Variants in MPP4 observed in about 807,000 individuals in gnomAD.
The protein encoded by MPP4 is MAGUK p55 subfamily member 4.
A neutral mutation model predicts 98.3 loss-of-function variants in MPP4; 91 were observed. That is an observed-to-expected ratio of 0.93 (90% CI 0.78 to 1.10). The LOEUF is 1.10. Among genes scored for constraint, MPP4 ranks in the 50% least tolerant of loss-of-function variants. The pLI is 0.00. For missense variants in MPP4, 744 were observed against 792.9 expected (o/e 0.94, Z 0.74); for synonymous variants, 261 against 271.8 (o/e 0.96, Z 0.39).
intron 18 of MPP4, chr2:201,652,091 A>T (rs1054971892): frequency 2.5e-6 from 2 of 804,810 alleles, no homozygotes; most frequent in Non-Finnish European, 1.5e-6. Context: ...ATAGCATGCG[A>T]TCATAAAGCA....
At chr2:201,650,832 G>C in intron 18 of MPP4, 1 of 985,388 alleles carries the variant, frequency 1.0e-6, no homozygotes. Flanking sequence ...GGAAAGATTA[G>C]CTGAGTCTAG....
At chr2:201,649,992 GA>G in intron 19 of MPP4, 79 bp downstream of exon 19, 1 of 1,377,806 alleles carries the variant, frequency 7.3e-7, no homozygotes, top group Non-Finnish European at 9.8e-7. Flanking sequence ...AGGAGATTTG[GA>G]AAATACATAA....
intron 13 of MPP4, chr2:201,665,525 G>A (rs1022968101): frequency 6.6e-6 from 1 of 152,130 alleles, no homozygotes; most frequent in African/African-American, 2.4e-5. Context: ...TTTGAACTAT[G>A]TGAATTGTTA....
chr2:201,671,841 A>G (rs1688352467), intron 11 of MPP4, among the ~76,000 whole-genome samples: 1 of 152,192 alleles, frequency 6.6e-6, no homozygotes, highest in Non-Finnish European at 1.5e-5. Context: ...AGACAGATCA[A>G]CGAGACAGAA....
intron 14 of MPP4, among the ~76,000 whole-genome samples, chr2:201,660,679 G>A (rs1158939042): frequency 1.3e-5 from 2 of 152,114 alleles, no homozygotes; most frequent in Admixed American, 1.3e-4. Flanking sequence ...CAACAGGTTT[G>A]AGCCTTCTCC....
chr2:201,681,402 A>AGGTCCAGAATC, intron 9 of MPP4, 94 bp downstream of exon 9: 1 of 1,092,796 alleles, frequency 9.2e-7, no homozygotes, highest in East Asian at 2.5e-5. Flanking sequence ...CAGGTCCAAC[A>AGGTCCAGAATC]CAGTACAAAG....
chr2:201,687,431 C>T (rs755572520), intron 4 of MPP4, 60 bp from the exon 5 acceptor site: 7 of 1,305,766 alleles, frequency 5.4e-6, no homozygotes, highest in Admixed American at 4.0e-5. Flanking sequence ...ACCTACTTAA[C>T]CTCACCCAGG....
Position 201,645,079 on chromosome 2 carries a change from T to G in MPP4, c.*131A>C. Reference sequence around the variant, plus strand: ...CAATAAAAATTTTTTTCAAATAAGATTAATTAATAAATTGCTGCACTTTTA... The same window carrying G: ...CAATAAAAATTTTTTTCAAATAAGAGTAATTAATAAATTGCTGCACTTTTA... On this transcript the variant is annotated 3_prime_UTR_variant, in exon 22 of 22. Coordinates refer to ENST00000409474, the MANE Select transcript of MPP4 (RefSeq NM_033066.3). The G allele has an allele frequency of 1.2e-6, 1 of 822,052 alleles. No individual in the cohort carries two copies. Among genetic ancestry groups the G allele is most frequent in the Admixed American group, 3.9e-5 (1 of 25,734 alleles). The allele number at this position is 822,052 out of a possible 1,614,324, so 50.9% of individuals were successfully genotyped here.
chr2:201,695,189 C>A (rs1559021141), intron 1 of MPP4, among the ~76,000 whole-genome samples: 1 of 152,104 alleles, frequency 6.6e-6, no homozygotes, highest in Non-Finnish European at 1.5e-5. Flanking sequence ...TAGGGTGTAG[C>A]ATGGTTCTGT....
At chr2:201,693,851 G>C in intron 2 of MPP4, 25 bp downstream of exon 2, 4 of 1,613,648 alleles carry the variant, frequency 2.5e-6, no homozygotes, top group Non-Finnish European at 3.4e-6. Flanking sequence ...TTCTGGTCTA[G>C]AAAAGGAGTC....
chr2:201,688,618 T>G (rs111933209), intron 4 of MPP4, among the ~76,000 whole-genome samples: 43 of 152,080 alleles, frequency 2.8e-4, no homozygotes, highest in African/African-American at 9.9e-4. Context: ...TTTTTGGGTT[T>G]GTTTGTTTGT....
chr2:201,650,139 C>T lies in MPP4; in HGVS notation c.1408G>A (p.Glu470Lys), dbSNP rs772583255. The T allele has an allele frequency of 2.9e-5, 46 of 1,577,254 alleles. No individual in the cohort carries two copies. The highest frequency in any genetic ancestry group is 3.7e-5 in the Non-Finnish European group (43 of 1,159,400). The change falls in exon 19 of 22, where the codon GAA (glutamate) becomes AAA (lysine). Residue 470 changes from glutamate (E) to lysine (K), a missense_variant. Glu to Lys is a moderately conservative substitution (Grantham distance 56). Coordinates refer to ENST00000409474, the MANE Select transcript of MPP4 (RefSeq NM_033066.3). ...TAGTGATACTCACGCCCATTCATTTCGTAACTCTTTTTAGTACGAGTAGTG... is the reference window on the plus strand; with the variant it reads ...TAGTGATACTCACGCCCATTCATTTTGTAACTCTTTTTAGTACGAGTAGTG... ...PHTTRTKKSY[E>K]MNGREYHYVS... is the part of the protein sequence containing the mutation.
chr2:201,650,257 T>A (rs1002368511), intron 18 of MPP4, 92 bp from the exon 19 acceptor site: 7 of 1,467,338 alleles, frequency 4.8e-6, no homozygotes. Context: ...TCAAAATAAA[T>A]AAATGAATAT....
chr2:201,670,924 T>A (rs1574618229), intron 11 of MPP4, among the ~76,000 whole-genome samples: 1 of 152,006 alleles, frequency 6.6e-6, no homozygotes, highest in South Asian at 2.1e-4. Context: ...CAAAGCAGGG[T>A]GGGGTGTTGC....
intron 14 of MPP4, 110 bp downstream of exon 14, chr2:201,663,971 T>C: frequency 2.8e-6 from 2 of 722,076 alleles, no homozygotes. Flanking sequence ...TACTTTTTAA[T>C]TTTTTAATGT....
At chr2:201,649,761 C>A in intron 19 of MPP4, 77 bp from the exon 20 acceptor site, 1 of 944,376 alleles carries the variant, frequency 1.1e-6, no homozygotes, top group Non-Finnish European at 1.7e-6. Flanking sequence ...GGATAAACTG[C>A]ACTAGAGTTG....
At position 201,656,191 on chromosome 2, in the gene MPP4, G is replaced by T. The variant is rs1333262115; in HGVS notation, c.1300+7C>A. ...GAGGAGGAGAGACAGTGCATGCTGGGACATACCCATGAGCACTATGAGGCG... is the reference window on the plus strand; with the variant it reads ...GAGGAGGAGAGACAGTGCATGCTGGTACATACCCATGAGCACTATGAGGCG... On this transcript the variant is annotated splice_region_variant and intron_variant, in intron 17 of 21. Transcript: ENST00000409474. 2 of 1,598,312 alleles carry T rather than the reference G, an allele frequency of 1.3e-6. No individual in the cohort carries two copies. The highest frequency in any genetic ancestry group is 2.3e-5 in the East Asian group (1 of 44,436).
chr2:201,680,660 G>A (rs889072845), intron 10 of MPP4, 178 bp downstream of exon 10: 6 of 568,522 alleles, frequency 1.1e-5, no homozygotes, highest in African/African-American at 9.3e-5. Flanking sequence ...CGTCTCCTTG[G>A]TATTTAAGAT....
At chr2:201,647,104 T>C (rs978929132) in intron 21 of MPP4, among the ~76,000 whole-genome samples, 3 of 142,006 alleles carry the variant, frequency 2.1e-5, no homozygotes, top group Non-Finnish European at 3.1e-5. Flanking sequence ...ATATTTAATG[T>C]AAAATATATG....
Sources: allele counts gnomAD v4.1 joint callset (sites outside exome capture counted in the v4.1 genomes callset), GRCh38; gene constraint gnomAD v4.1.1; transcripts MANE v1.5; gene names NCBI Gene and HGNC (gene_info 2026-07-23, HGNC 2026-07-21).